NOVA2: variants seen among roughly 807,000 people sequenced by gnomAD.
NOVA2 encodes the protein NOVA alternative splicing regulator 2.
Under a neutral mutation model 22.5 loss-of-function variants are expected in NOVA2, and 9 were observed. The observed-to-expected ratio is 0.40, with a 90% CI of 0.24 to 0.70. The LOEUF (loss-of-function observed/expected upper bound fraction) is 0.70. Ranked by LOEUF, NOVA2 falls within the 30% of genes least tolerant of loss-of-function variation. NOVA2 has a pLI of 0.38. For synonymous variants in NOVA2, 318 were observed against 335.2 expected (o/e 0.95, Z 0.56); for missense variants, 383 against 682.8 (o/e 0.56, Z 4.89).
chr19:45,959,683 G>A (rs1486424313), intron 2 of NOVA2, among the ~76,000 whole-genome samples: 1 of 151,562 alleles, frequency 6.6e-6, no homozygotes, highest in African/African-American at 2.4e-5. Flanking sequence ...GGCTGGGGGC[G>A]GGGTGGATGG....
At chr19:45,970,787 C>T (rs1968223199) in intron 1 of NOVA2, among the ~76,000 whole-genome samples, 1 of 152,136 alleles carries the variant, frequency 6.6e-6, no homozygotes, top group Non-Finnish European at 1.5e-5. Context: ...TTGAAAGAAG[C>T]CCTCAATTTT....
chr19:45,966,497 G>A (rs1968169647), intron 1 of NOVA2, among the ~76,000 whole-genome samples: 1 of 151,980 alleles, frequency 6.6e-6, no homozygotes, highest in Non-Finnish European at 1.5e-5. Flanking sequence ...TGAACTCCTG[G>A]GCTCAAGGGA....
intron 1 of NOVA2, chr19:45,968,051 T>C (rs998524148): frequency 6.6e-6 from 1 of 152,102 alleles, no homozygotes; most frequent in African/African-American, 2.4e-5. Context: ...TATTTTAGTG[T>C]CAGAGAGTTC....
At chr19:45,966,971 T>C (rs1165544490) in intron 1 of NOVA2, among the ~76,000 whole-genome samples, 1 of 152,202 alleles carries the variant, frequency 6.6e-6, no homozygotes, top group African/African-American at 2.4e-5. Flanking sequence ...CATACATTAA[T>C]ATAAACATAC....
Position 45,939,895 on chromosome 19 carries a change from C to T in NOVA2, c.1447G>A (p.Val483Met), listed in dbSNP as rs1967719285. The T allele has an allele frequency of 6.2e-7, 1 of 1,614,204 alleles. No homozygotes were observed. Among genetic ancestry groups the T allele is most frequent in the Non-Finnish European group, 8.5e-7 (1 of 1,180,030 alleles). The change falls in exon 4 of 4, where the codon GTG becomes ATG. Residue 483 changes from valine (V) to methionine (M), a missense_variant. Around this residue, in one of 2 missense-constraint regions of NOVA2, gnomAD observed 34 missense variants for 104.7 expected, o/e 0.32. Transcript: ENST00000263257. Reference protein sequence around the residue: ...ISQRVTYEQGVRASNPQKVG With the variant: ...ISQRVTYEQGMRASNPQKVG ...ACTTTCTGGGGGTTTGAGGCCCTCA[C>T]TCCCTGCTCGTAGGTGACCCGCTGA...
At chr19:45,941,531 C>T (rs898514283) in intron 3 of NOVA2, among the ~76,000 whole-genome samples, 7 of 151,942 alleles carry the variant, frequency 4.6e-5, no homozygotes, top group African/African-American at 1.5e-4. Context: ...CCCTCCTCTC[C>T]AGCATCCAAA....
Position 45,939,672 on chromosome 19 carries a change from A to C in NOVA2, c.*191T>G. ...TTCCGGGCTGGGGAGGGGGCTTCTG[A>C]GCCCCCTTCCCAACCGTCACTCAAT... On this transcript the variant is annotated 3_prime_UTR_variant, in exon 4 of 4. Transcript: ENST00000263257. 1.5e-6 allele frequency: 1 copy of C among 681,956 alleles called. No homozygotes were observed. The highest frequency in any genetic ancestry group is 2.4e-6 in the Non-Finnish European group (1 of 416,276). The allele number at this position is 681,956 out of a possible 1,614,324, so 42.2% of individuals were successfully genotyped here.
chr19:45,966,404 A>C (rs1730184789), intron 1 of NOVA2, among the ~76,000 whole-genome samples: 1 of 152,124 alleles, frequency 6.6e-6, no homozygotes, highest in South Asian at 2.1e-4. Flanking sequence ...AATTCCTTTT[A>C]AATTTTAAAT....
chr19:45,946,418 A>G (rs1330264726), intron 3 of NOVA2, among the ~76,000 whole-genome samples: 1 of 152,252 alleles, frequency 6.6e-6, no homozygotes, highest in African/African-American at 2.4e-5. Context: ...TATAGCTATA[A>G]AAGATATTTT....
intron 3 of NOVA2, among the ~76,000 whole-genome samples, chr19:45,941,259 A>C (rs1212722224): frequency 2.0e-5 from 3 of 151,384 alleles, no homozygotes; most frequent in Non-Finnish European, 4.4e-5. Context: ...GCCAAATTGC[A>C]CTCCAGCCTG....
chr19:45,948,046 G>A (rs2146412469), intron 3 of NOVA2, among the ~76,000 whole-genome samples: 2 of 152,204 alleles, frequency 1.3e-5, no homozygotes, highest in African/African-American at 4.8e-5. Flanking sequence ...AAGCTTAATT[G>A]AGCTTATGCA....
chr19:45,940,959 A>C lies in NOVA2; in HGVS notation c.397-14T>G. On this transcript the variant is annotated splice_polypyrimidine_tract_variant and intron_variant, in intron 3 of 3. Transcript: ENST00000263257. The stretch of plus-strand genomic sequence containing the variant: ...GATCAGCTTGGCCTGCGTGGGGAGC[A>C]AAAGGGAGGGTCTTTAATTTTATTT... 1 of 1,587,848 alleles carries C rather than the reference A, an allele frequency of 6.3e-7. No individual in the cohort carries two copies. The highest frequency in any genetic ancestry group is 8.5e-7 in the Non-Finnish European group (1 of 1,175,484).
intron 3 of NOVA2, among the ~76,000 whole-genome samples, chr19:45,945,808 G>A (rs948781657): frequency 6.6e-6 from 1 of 151,218 alleles, no homozygotes; most frequent in African/African-American, 2.4e-5. Context: ...ATTCCCTGTT[G>A]GTCTCCCTGA....
intron 1 of NOVA2, among the ~76,000 whole-genome samples, chr19:45,970,446 G>T (rs1324187025): frequency 1.3e-5 from 2 of 151,322 alleles, no homozygotes; most frequent in East Asian, 3.9e-4. Context: ...TGCGATCTCG[G>T]CTCACTAAAA....
At chr19:45,941,683 GC>G (rs1967760573) in intron 3 of NOVA2, among the ~76,000 whole-genome samples, 2 of 152,160 alleles carry the variant, frequency 1.3e-5, no homozygotes, top group African/African-American at 4.8e-5. Context: ...GATAACTTGA[GC>G]CCAGGAGTTT....
intron 3 of NOVA2, among the ~76,000 whole-genome samples, chr19:45,950,938 A>C (rs2146414612): frequency 6.6e-6 from 1 of 152,310 alleles, no homozygotes; most frequent in Non-Finnish European, 1.5e-5. Flanking sequence ...TTCACAGGTA[A>C]TGAGCAGTAG....
intron 2 of NOVA2, 68 bp downstream of exon 2, chr19:45,960,942 G>A: frequency 6.7e-7 from 1 of 1,485,122 alleles, no homozygotes; most frequent in Non-Finnish European, 9.1e-7. Context: ...CTCATCTAGG[G>A]CCCAGGTGGG....
intron 1 of NOVA2, among the ~76,000 whole-genome samples, chr19:45,972,968 GAC>G (rs893867665): frequency 1.3e-5 from 2 of 151,678 alleles, no homozygotes; most frequent in African/African-American, 4.8e-5. Flanking sequence ...ACCCCTCAAG[GAC>G]ACACAGACAC....
At chr19:45,963,988 C>G (rs951367729) in intron 1 of NOVA2, among the ~76,000 whole-genome samples, 3 of 152,008 alleles carry the variant, frequency 2.0e-5, no homozygotes, top group Admixed American at 1.3e-4. Context: ...TAGAGCTCAC[C>G]CATGTCCTAG....
Sources: gnomAD v4.1 joint callset for allele counts (sites outside exome capture counted in the v4.1 genomes callset) on GRCh38, gnomAD v4.1.1 for gene constraint, gnomAD v4.1.1 regional missense constraint, MANE v1.5 for transcripts, NCBI Gene and HGNC (gene_info 2026-07-23, HGNC 2026-07-21) for gene names.